The following ENTREP2 variants were observed in gnomAD, a reference collection of about 807,000 sequenced individuals.
ENTREP2 encodes protein ENTREP2.
At chr15:29,651,583 G>A in the ENTREP2 span, among the ~76,000 whole-genome samples, 1 of 152,210 alleles carries the variant, frequency 6.6e-6, no homozygotes, top group Admixed American at 6.5e-5. Context: ...GGCCTGGGAA[G>A]GCCCCCCATC....
chr15:29,377,058 G>A, the ENTREP2 span: 1 of 152,256 alleles, frequency 6.6e-6, no homozygotes, highest in African/African-American at 2.4e-5. Flanking sequence ...GCAGGCCAGT[G>A]TGCCCCCCTG....
At chr15:29,531,011 G>C in the ENTREP2 span, among the ~76,000 whole-genome samples, 3 of 152,164 alleles carry the variant, frequency 2.0e-5, no homozygotes, top group Non-Finnish European at 4.4e-5. Flanking sequence ...ACCAATGACG[G>C]AGAGAAGAGG....
At chr15:29,568,105 C>G in the ENTREP2 span, among the ~76,000 whole-genome samples, 8 of 152,324 alleles carry the variant, frequency 5.3e-5, no homozygotes, top group African/African-American at 1.9e-4. Context: ...CAGCAGGAAC[C>G]AATCATCATT....
chr15:29,586,175 T>A, the ENTREP2 span, among the ~76,000 whole-genome samples: 1 of 152,140 alleles, frequency 6.6e-6, no homozygotes, highest in African/African-American at 2.4e-5. Flanking sequence ...ATAACACAGA[T>A]GAATTTTGAA....
the ENTREP2 span, among the ~76,000 whole-genome samples, chr15:29,231,854 T>C: frequency 1.3e-5 from 2 of 151,586 alleles, no homozygotes; most frequent in Non-Finnish European, 2.9e-5. Flanking sequence ...CAGAAATTCA[T>C]GTCAGGTCCA....
the ENTREP2 span, among the ~76,000 whole-genome samples, chr15:29,459,185 C>A: frequency 6.6e-6 from 1 of 152,214 alleles, no homozygotes; most frequent in African/African-American, 2.4e-5. Flanking sequence ...CCACTCCATG[C>A]GTCCCCAGCC....
chr15:29,160,726 A>G, the ENTREP2 span, among the ~76,000 whole-genome samples: 2 of 150,464 alleles, frequency 1.3e-5, no homozygotes, highest in African/African-American at 5.0e-5. Context: ...AAAAAAAAAA[A>G]AAAAAAAATC....
chr15:29,268,097 T>C, the ENTREP2 span: 1 of 152,200 alleles, frequency 6.6e-6, no homozygotes, highest in African/African-American at 2.4e-5. Flanking sequence ...AAGATGTTGA[T>C]TTCCAGTCAT....
chr15:29,510,224 G>A, the ENTREP2 span, among the ~76,000 whole-genome samples: 1 of 152,152 alleles, frequency 6.6e-6, no homozygotes, highest in South Asian at 2.1e-4. Flanking sequence ...AGTTAGAATG[G>A]CGATCATTAA....
chr15:29,164,413 G>A, the ENTREP2 span, among the ~76,000 whole-genome samples: 18 of 152,186 alleles, frequency 1.2e-4, no homozygotes, highest in Non-Finnish European at 2.5e-4. Flanking sequence ...ATAAGAACTC[G>A]CCAACCAACT....
chr15:29,517,951 G>A, the ENTREP2 span, among the ~76,000 whole-genome samples: 1 of 152,142 alleles, frequency 6.6e-6, no homozygotes, highest in Non-Finnish European at 1.5e-5. Flanking sequence ...GGCGAGAACC[G>A]CACTGCTGGG....
chr15:29,501,130 GAAA>G, the ENTREP2 span, among the ~76,000 whole-genome samples: 5 of 151,976 alleles, frequency 3.3e-5, no homozygotes, highest in African/African-American at 1.2e-4. Flanking sequence ...AATGTTTAAA[GAAA>G]AATTAACAAC....
the ENTREP2 span, among the ~76,000 whole-genome samples, chr15:29,588,540 AAGAAAG>A: frequency 5.7e-3 from 279 of 49,190 alleles, 2 homozygotes; most frequent in South Asian, 0.074. Flanking sequence ...AAGGAAGAGA[AAGAAAG>A]AGAGAGAGAG....
At chr15:29,127,922 T>G in the ENTREP2 span, among the ~76,000 whole-genome samples, 1 of 152,178 alleles carries the variant, frequency 6.6e-6, no homozygotes, top group Admixed American at 6.5e-5. Flanking sequence ...TTGAACAGCC[T>G]CTGATGGCTT....
chr15:29,412,923 C>T, the ENTREP2 span, among the ~76,000 whole-genome samples: 4 of 151,722 alleles, frequency 2.6e-5, no homozygotes, highest in African/African-American at 7.3e-5. Flanking sequence ...TAAATTTATT[C>T]ATTCTTCTTT....
the ENTREP2 span, among the ~76,000 whole-genome samples, chr15:29,205,787 G>A: frequency 6.6e-6 from 1 of 152,316 alleles, no homozygotes; most frequent in South Asian, 2.1e-4. Context: ...TGTGTTCTGT[G>A]ATGAACAGAA....
chr15:29,553,292 T>TCAAAAA, the ENTREP2 span, among the ~76,000 whole-genome samples: 4 of 152,070 alleles, frequency 2.6e-5, no homozygotes, highest in South Asian at 4.1e-4. Flanking sequence ...CAAGACTCTG[T>TCAAAAA]CAAAAACAAA....
chr15:29,177,082 T>C, the ENTREP2 span, among the ~76,000 whole-genome samples: 1 of 152,066 alleles, frequency 6.6e-6, no homozygotes, highest in Non-Finnish European at 1.5e-5. Context: ...GACGCCCAGC[T>C]CTCCACCTGG....
At chr15:29,545,392 G>C in the ENTREP2 span, among the ~76,000 whole-genome samples, 1 of 152,172 alleles carries the variant, frequency 6.6e-6, no homozygotes, top group Non-Finnish European at 1.5e-5. Context: ...AAAGCTGTCA[G>C]GCAAAGCTAT....
Sources: allele counts gnomAD v4.1 joint callset (sites outside exome capture counted in the v4.1 genomes callset), GRCh38; gene constraint gnomAD v4.1.1; transcripts MANE v1.5; gene names NCBI Gene and HGNC (gene_info 2026-07-23, HGNC 2026-07-21).